SNTG1: variants seen among roughly 807,000 people sequenced by gnomAD.
The protein encoded by SNTG1 is syntrophin gamma 1, also known as gamma-1-syntrophin.
A neutral mutation model predicts 74.7 loss-of-function variants in SNTG1; 39 were observed. The observed-to-expected ratio is 0.52, with a 90% confidence interval of 0.40 to 0.68. The LOEUF (loss-of-function observed/expected upper bound fraction) is 0.68. Among genes scored for constraint, SNTG1 ranks in the 30% least tolerant of loss-of-function variants. SNTG1 has a pLI of 0.00. For synonymous variants in SNTG1, 254 were observed against 217.1 expected (o/e 1.17, Z -1.49); for missense variants, 685 against 609.5 (o/e 1.12, Z -1.30).
intron 13 of SNTG1, among the ~76,000 whole-genome samples, chr8:50,652,815 AAATAAATAAAT>A: frequency 6.6e-6 from 1 of 152,070 alleles, no homozygotes; most frequent in South Asian, 2.1e-4. Context: ...ATAAGTAAAT[AAATAAATAAAT>A]AATAAATAAA....
intron 1 of SNTG1, among the ~76,000 whole-genome samples, chr8:50,084,336 C>T (rs1244702122): frequency 1.3e-5 from 2 of 152,066 alleles, no homozygotes; most frequent in African/African-American, 4.8e-5. Flanking sequence ...TAGTGGGCAC[C>T]TGTAGTCCCA....
At chr8:50,661,338 C>T (rs2095222133) in intron 15 of SNTG1, among the ~76,000 whole-genome samples, 1 of 152,026 alleles carries the variant, frequency 6.6e-6, no homozygotes, top group African/African-American at 2.4e-5. Context: ...TTTGGAAACC[C>T]CATGTGGAAA....
intron 12 of SNTG1, among the ~76,000 whole-genome samples, chr8:50,574,324 C>T (rs567912248): frequency 1.3e-4 from 20 of 152,164 alleles, no homozygotes; most frequent in African/African-American, 4.8e-4. Flanking sequence ...AAGAGTACAT[C>T]TATATTTACC....
At chr8:50,762,887 GT>G (rs1289970119) in intron 18 of SNTG1, 10 of 298,158 alleles carry the variant, frequency 3.4e-5, no homozygotes, top group Non-Finnish European at 6.8e-5. Context: ...ATTTTTAAAT[GT>G]TTTCCCCTCC....
chr8:50,673,660 C>T (rs7841003), intron 15 of SNTG1, among the ~76,000 whole-genome samples: 6,695 of 152,142 alleles, frequency 0.044, 392 homozygotes, highest in African/African-American at 0.12. Flanking sequence ...TATCTGAATA[C>T]GCTTTATTTC....
chr8:50,119,298 T>A (rs1003949423), intron 1 of SNTG1, among the ~76,000 whole-genome samples: 4 of 139,354 alleles, frequency 2.9e-5, no homozygotes, highest in African/African-American at 5.2e-5. Context: ...TTTAAACAAT[T>A]TCAGGAACAC....
In SNTG1 at chr8:50,785,806, G is replaced by A. The variant is rs138918698; in HGVS notation, c.1396-6865G>A. Among the ~76,000 whole-genome samples, 618 of 151,956 alleles carry A rather than the reference G, an allele frequency of 4.1e-3. 2 individuals carry two copies. Among genetic ancestry groups the A allele is most frequent in the African/African-American group, 0.014 (577 of 41,490 alleles). On this transcript the variant is annotated intron_variant, in intron 18 of 18. Transcript: ENST00000642720. Reference sequence around the variant, plus strand: ...CCAAATCCAGCAACATGCAAAAATTGTTATACACCATTATCACTTGGTATA... The same window carrying A: ...CCAAATCCAGCAACATGCAAAAATTATTATACACCATTATCACTTGGTATA...
At chr8:50,274,769 G>A (rs888408564) in intron 2 of SNTG1, among the ~76,000 whole-genome samples, 4 of 152,090 alleles carry the variant, frequency 2.6e-5, no homozygotes, top group African/African-American at 9.7e-5. Flanking sequence ...ATTGATGGGT[G>A]TTATTTTCTC....
intron 16 of SNTG1, among the ~76,000 whole-genome samples, chr8:50,707,169 ATC>A (rs1448683935): frequency 1.3e-5 from 2 of 152,032 alleles, no homozygotes; most frequent in African/African-American, 4.8e-5. Flanking sequence ...TATTGAGAAA[ATC>A]TAATTTAATT....
In SNTG1 at chr8:50,249,317, G is replaced by A. The variant is rs1177603442; in HGVS notation, c.-28+76682G>A. On this transcript the variant is annotated intron_variant, in intron 2 of 18. Coordinates refer to ENST00000642720, the MANE Select transcript of SNTG1 (RefSeq NM_018967.5). ...AGCTATGGCACAGTCTTGGACATTG[G>A]AGCAGAGTTCTGCATAGCAGCAAAA... Among the ~76,000 whole-genome samples, 4 of 152,174 alleles carry A rather than the reference G, an allele frequency of 2.6e-5. No individual in the cohort carries two copies. The East Asian group carries it at 7.7e-4, about 29-fold the overall frequency.
intron 4 of SNTG1, among the ~76,000 whole-genome samples, chr8:50,407,582 T>C (rs191711780): frequency 3.4e-3 from 523 of 152,346 alleles, no homozygotes; most frequent in Non-Finnish European, 5.6e-3. Flanking sequence ...CTTCTAGGAT[T>C]GTCTTTGCCT....
intron 2 of SNTG1, among the ~76,000 whole-genome samples, chr8:50,206,937 C>A (rs1329828816): frequency 2.0e-5 from 3 of 151,994 alleles, no homozygotes; most frequent in Non-Finnish European, 4.4e-5. Flanking sequence ...TGATGGATAA[C>A]CTTTTTGACG....
intron 1 of SNTG1, among the ~76,000 whole-genome samples, chr8:49,990,706 G>A (rs1813600458): frequency 6.6e-6 from 1 of 152,062 alleles, no homozygotes; most frequent in Admixed American, 6.6e-5. Context: ...TTTTAATGGA[G>A]AAAGAAGTGT....
chr8:50,196,169 A>C (rs1013810385), intron 2 of SNTG1, among the ~76,000 whole-genome samples: 1 of 152,160 alleles, frequency 6.6e-6, no homozygotes, highest in Non-Finnish European at 1.5e-5. Context: ...ATGATTCTCT[A>C]TCTGAGTTGA....
At chr8:50,224,277 C>A (rs919429939) in intron 2 of SNTG1, among the ~76,000 whole-genome samples, 1 of 152,116 alleles carries the variant, frequency 6.6e-6, no homozygotes, top group Non-Finnish European at 1.5e-5. Flanking sequence ...GGAAAAGTGA[C>A]ATAGATTACA....
At chr8:50,667,745 A>G (rs994810585) in intron 15 of SNTG1, among the ~76,000 whole-genome samples, 2 of 152,004 alleles carry the variant, frequency 1.3e-5, no homozygotes, top group African/African-American at 4.8e-5. Flanking sequence ...CTATAATTAT[A>G]TCCATTTTCA....
chr8:50,502,488 G>C (rs1007700899), intron 8 of SNTG1, among the ~76,000 whole-genome samples: 1 of 152,148 alleles, frequency 6.6e-6, no homozygotes, highest in Non-Finnish European at 1.5e-5. Context: ...TGGACTTCTT[G>C]ATTCCTCATA....
At chr8:50,782,639 CT>C (rs2095663038) in intron 18 of SNTG1, among the ~76,000 whole-genome samples, 1 of 152,064 alleles carries the variant, frequency 6.6e-6, no homozygotes, top group African/African-American at 2.4e-5. Context: ...ACTTCTTTGC[CT>C]TTGGTTTGAA....
chr8:50,066,806 TA>T (rs1474282684), intron 1 of SNTG1, among the ~76,000 whole-genome samples: 2 of 152,228 alleles, frequency 1.3e-5, no homozygotes, highest in Admixed American at 6.5e-5. Context: ...GTTGACTTTG[TA>T]CCGTTATATC....
Sources: gnomAD v4.1 joint callset for allele counts (sites outside exome capture counted in the v4.1 genomes callset) on GRCh38, gnomAD v4.1.1 for gene constraint, MANE v1.5 for transcripts, NCBI Gene and HGNC (gene_info 2026-07-23, HGNC 2026-07-21) for gene names.